ROR1: variants seen among roughly 807,000 people sequenced by gnomAD.
ROR1 encodes ROR family WNT receptor 1, also known as inactive tyrosine-protein kinase transmembrane receptor ROR1.
ROR1 carries 19 observed loss-of-function variants against 78.8 expected under a neutral mutation model. That is an observed-to-expected ratio of 0.24 (90% CI 0.17 to 0.35). The LOEUF (loss-of-function observed/expected upper bound fraction) is 0.35. Among genes scored for constraint, ROR1 ranks in the 10% least tolerant of loss-of-function variants. ROR1 has a pLI of 1.00. For synonymous variants in ROR1, 386 were observed against 433.6 expected, an observed-to-expected ratio of 0.89 and a Z score of 1.36; for missense variants, 917 against 1,177.8, an observed-to-expected ratio of 0.78 and a Z score of 3.24.
intron 8 of ROR1, among the ~76,000 whole-genome samples, chr1:64,174,211 T>C (rs1168006306): frequency 6.6e-6 from 1 of 152,170 alleles, no homozygotes. Flanking sequence ...TCAAGCTAGA[T>C]AGTACATTAG....
At chr1:64,127,122 T>C (rs1017341289) in intron 4 of ROR1, among the ~76,000 whole-genome samples, 1 of 152,256 alleles carries the variant, frequency 6.6e-6, no homozygotes, top group African/African-American at 2.4e-5. Flanking sequence ...AATCGAACTG[T>C]TTCCATCTAA....
intron 8 of ROR1, among the ~76,000 whole-genome samples, chr1:64,169,256 T>C (rs1650172972): frequency 6.6e-6 from 1 of 152,166 alleles, no homozygotes; most frequent in Non-Finnish European, 1.5e-5. Context: ...ACACTGCTGA[T>C]AAAGACATAC....
chr1:64,139,205 T>C (rs1216728016), intron 5 of ROR1, among the ~76,000 whole-genome samples: 1 of 150,402 alleles, frequency 6.6e-6, no homozygotes, highest in Non-Finnish European at 1.5e-5. Flanking sequence ...GAAGTTTTGA[T>C]GTAAATAATT....
intron 4 of ROR1, among the ~76,000 whole-genome samples, chr1:64,066,072 T>C (rs2100611227): frequency 6.6e-6 from 1 of 152,322 alleles, no homozygotes; most frequent in South Asian, 2.1e-4. Context: ...GTTCAGTCAT[T>C]ACAAATGTCT....
intron 2 of ROR1, among the ~76,000 whole-genome samples, chr1:64,016,217 C>T (rs1169538085): frequency 6.6e-6 from 1 of 152,106 alleles, no homozygotes; most frequent in African/African-American, 2.4e-5. Context: ...TTTTGAGACT[C>T]CAATGCTGCG....
intron 2 of ROR1, among the ~76,000 whole-genome samples, chr1:64,021,589 C>A (rs555325906): frequency 2.6e-5 from 4 of 152,144 alleles, no homozygotes; most frequent in African/African-American, 4.8e-5. Flanking sequence ...GGTAAAGTGA[C>A]GCAGCTAGTA....
intron 2 of ROR1, among the ~76,000 whole-genome samples, chr1:64,009,785 G>A (rs995209243): frequency 3.3e-5 from 5 of 152,140 alleles, no homozygotes; most frequent in Admixed American, 6.5e-5. Context: ...GTTCAGGACC[G>A]AGTATCTGGA....
At chr1:64,028,849 A>G (rs1412408612) in intron 2 of ROR1, 1 of 152,162 alleles carries the variant, frequency 6.6e-6, no homozygotes, top group Non-Finnish European at 1.5e-5. Flanking sequence ...TATTGCCTAT[A>G]ATACCCCTGT....
chr1:64,071,265 G>A (rs1647001437), intron 4 of ROR1, among the ~76,000 whole-genome samples: 3 of 152,138 alleles, frequency 2.0e-5, no homozygotes, highest in Admixed American at 6.5e-5. Flanking sequence ...TTTACAATGG[G>A]AAGAGCACTC....
At chr1:64,152,008 A>G (rs1026039997) in intron 7 of ROR1, among the ~76,000 whole-genome samples, 1 of 152,190 alleles carries the variant, frequency 6.6e-6, no homozygotes, top group South Asian at 2.1e-4. Flanking sequence ...AGACATCTCC[A>G]GAGACAGAGA....
chr1:63,920,718 C>G lies in ROR1; in HGVS notation c.92-88587C>G, dbSNP rs572770560. 3.3e-5 allele frequency among the ~76,000 whole-genome samples: 5 copies of G among 152,288 alleles called. No homozygotes were observed. In the South Asian group the frequency reaches 8.3e-4, roughly 25 times the overall value. ...GGACACTTAATCATTTCCCTGGAAT[C>G]CACTGGAATAATTTTTTTATGCATT... On this transcript the variant is annotated intron_variant, in intron 1 of 8. Coordinates refer to ENST00000371079, the MANE Select transcript of ROR1 (RefSeq NM_005012.4).
At chr1:63,843,654 A>T in intron 1 of ROR1, 1 of 592,668 alleles carries the variant, frequency 1.7e-6, no homozygotes, top group Non-Finnish European at 3.3e-6. Flanking sequence ...GAACATGTTC[A>T]TGACACCATC....
chr1:64,047,302 G>A (rs1014253173), intron 2 of ROR1, among the ~76,000 whole-genome samples: 4 of 152,166 alleles, frequency 2.6e-5, no homozygotes, highest in Non-Finnish European at 4.4e-5. Flanking sequence ...ATTTTTGAGT[G>A]CTTACTTTTT....
intron 1 of ROR1, among the ~76,000 whole-genome samples, chr1:63,944,054 T>C (rs901436166): frequency 1.6e-4 from 25 of 152,228 alleles, no homozygotes; most frequent in African/African-American, 6.0e-4. Flanking sequence ...TTGAATGATC[T>C]AGGAATATAA....
chr1:64,139,199 T>G (rs1047153983), intron 5 of ROR1, among the ~76,000 whole-genome samples: 5 of 148,466 alleles, frequency 3.4e-5, no homozygotes, highest in Non-Finnish European at 5.9e-5. Context: ...AAAGTGGAAG[T>G]TTTGATGTAA....
chr1:63,843,594 A>C (rs602934), intron 1 of ROR1: 259,661 of 685,540 alleles, frequency 0.38, 55,582 homozygotes, highest in African/African-American at 0.8. Context: ...CACCTTCTTG[A>C]GCTTCTTCAC....
At chr1:63,973,539 A>T (rs962157495) in intron 1 of ROR1, among the ~76,000 whole-genome samples, 1 of 152,222 alleles carries the variant, frequency 6.6e-6, no homozygotes, top group African/African-American at 2.4e-5. Flanking sequence ...AAATTAATAG[A>T]ACACTCATGT....
At chr1:64,112,949 T>A (rs964368092) in intron 4 of ROR1, among the ~76,000 whole-genome samples, 3 of 152,194 alleles carry the variant, frequency 2.0e-5, no homozygotes, top group African/African-American at 7.2e-5. Context: ...GCCGCACTAA[T>A]TTGCACAGTA....
At chr1:63,903,750 A>G (rs547694652) in intron 1 of ROR1, among the ~76,000 whole-genome samples, 118 of 151,982 alleles carry the variant, frequency 7.8e-4, no homozygotes, top group African/African-American at 2.7e-3. Flanking sequence ...ATATAGTTGT[A>G]TGACATATAG....
Sources: allele counts gnomAD v4.1 joint callset (sites outside exome capture counted in the v4.1 genomes callset), GRCh38; gene constraint gnomAD v4.1.1; transcripts MANE v1.5; gene names NCBI Gene and HGNC (gene_info 2026-07-23, HGNC 2026-07-21).